Variants in SHTN1 observed in about 807,000 individuals in gnomAD.
SHTN1 encodes shootin 1.
A neutral mutation model predicts 83.1 loss-of-function variants in SHTN1; 42 were observed. That is an observed-to-expected ratio of 0.51 (90% CI 0.39 to 0.65). The LOEUF (loss-of-function observed/expected upper bound fraction) is 0.65. Ranked by LOEUF, SHTN1 falls within the 30% of genes least tolerant of loss-of-function variation. SHTN1 has a pLI of 0.00. For missense variants in SHTN1, 622 were observed against 737.8 expected (o/e 0.84, Z 1.82); for synonymous variants, 224 against 247.7 (o/e 0.90, Z 0.90).
chr10:117,077,430 G>C (rs1314849517), intron 1 of SHTN1, among the ~76,000 whole-genome samples: 1 of 152,134 alleles, frequency 6.6e-6, no homozygotes, highest in Non-Finnish European at 1.5e-5. Context: ...CTATCACATA[G>C]ATATTGGGAG....
At position 116,927,834 on chromosome 10, in the gene SHTN1, G is replaced by A. The variant is rs1848802870; in HGVS notation, c.1070C>T (p.Pro357Leu). 6.2e-7 allele frequency: 1 copy of A among 1,608,396 alleles called. No homozygotes were observed. The highest frequency in any genetic ancestry group is 8.5e-7 in the Non-Finnish European group (1 of 1,177,602). The change falls in exon 11 of 17, where the codon CCT becomes CTT. Residue 357 changes from proline (P) to leucine (L), a missense_variant. This residue lies in a region of SHTN1 where 383 missense variants were observed against 455.8 expected (regional missense o/e 0.84). Coordinates refer to ENST00000355371, the MANE Select transcript of SHTN1 (RefSeq NM_001127211.3). Reference sequence around the variant, plus strand: ...TGGAGGGGGAAGTGGTGGTGGAGGAGGAGGTGGTGGAGGTACTGAATTCTC... The same window carrying A: ...TGGAGGGGGAAGTGGTGGTGGAGGAAGAGGTGGTGGAGGTACTGAATTCTC... The part of the protein sequence containing the change: ...QSENSVPPPP[P>L]PPPPLPPPPP...
chr10:117,038,448 T>A (rs1204587160), intron 2 of SHTN1, among the ~76,000 whole-genome samples: 1 of 151,982 alleles, frequency 6.6e-6, no homozygotes, highest in East Asian at 1.9e-4. Context: ...CCGCAATGAC[T>A]TTTTAGATAC....
chr10:117,063,599 A>C (rs1373510431), intron 1 of SHTN1, among the ~76,000 whole-genome samples: 2 of 152,162 alleles, frequency 1.3e-5, no homozygotes, highest in African/African-American at 4.8e-5. Flanking sequence ...TAATTGATAT[A>C]GCTTCCTATT....
intron 1 of SHTN1, among the ~76,000 whole-genome samples, chr10:117,088,983 A>G (rs567386766): frequency 3.3e-5 from 5 of 152,272 alleles, no homozygotes; most frequent in South Asian, 2.1e-4. Flanking sequence ...AACCTGGCAC[A>G]TTATTATTGA....
At chr10:117,084,571 C>T (rs1172955826) in intron 1 of SHTN1, among the ~76,000 whole-genome samples, 1 of 152,184 alleles carries the variant, frequency 6.6e-6, no homozygotes, top group African/African-American at 2.4e-5. Flanking sequence ...CCACCCAGTT[C>T]GAGCTTCCCG....
intron 2 of SHTN1, chr10:116,973,821 C>G (rs1264958939): frequency 8.3e-7 from 1 of 1,200,132 alleles, no homozygotes; most frequent in Non-Finnish European, 1.1e-6. Flanking sequence ...TTAAACATGC[C>G]CAGCATCAGA....
rs1456385979 is a variant in SHTN1, at chr10:116,953,630, T to TTG, written c.436+411_436+412insCA. 1.0e-4 allele frequency among the ~76,000 whole-genome samples: 14 copies of TTG among 138,236 alleles called. No individual in the cohort carries two copies. In the East Asian group the frequency reaches 2.5e-3, roughly 25 times the overall value. 90.7% of individuals were successfully genotyped at this position (138,236 alleles called of 152,430 possible). A position where few individuals can be genotyped will look rare whatever the true frequency, so the allele number is the denominator to read the frequency against. On this transcript the variant is annotated intron_variant, in intron 5 of 16. Transcript: ENST00000355371. ...GCATCAGTTTTGTGTTTTGTTTTTT[T>TTG]TTTTTTTTTTTTTTTGAGACAGAGT... is the stretch of plus-strand genomic sequence containing the variant.
intron 1 of SHTN1, among the ~76,000 whole-genome samples, chr10:117,107,145 G>T (rs1853680885): frequency 6.6e-6 from 1 of 152,108 alleles, no homozygotes; most frequent in Non-Finnish European, 1.5e-5. Context: ...TATATGCCTG[G>T]TAGAGTGCCA....
chr10:117,018,507 TAAAAA>T lies in SHTN1; in HGVS notation c.-123+29933_-123+29937del, dbSNP rs749150327. ...ATAAAGGGTGTATGTGTATTTTTTT[TAAAAA>T]AAAAAAAAAAAGGAAAATATTTTTC... is the stretch of plus-strand genomic sequence containing the variant. On this transcript the variant is annotated intron_variant, in intron 2 of 17. Transcript: ENST00000392901. Among the ~76,000 whole-genome samples, 90 of 129,488 alleles carry T rather than the reference TAAAAA, an allele frequency of 7.0e-4. 1 individual carries two copies. The highest frequency in any genetic ancestry group is 3.9e-3 in the Middle Eastern group (1 of 256). The allele number at this position is 129,488 out of a possible 152,430, so 84.9% of individuals were successfully genotyped here.
rs71013635 is a variant in SHTN1, at chr10:117,051,999, CATAT to C, written c.-188-3493_-188-3490del. On this transcript the variant is annotated intron_variant, in intron 1 of 17. Coordinates refer to the SHTN1 transcript ENST00000392901. ...TACCTTTATTTTCAAATGACATAATCATATATATATATATATATATATAGAAAAG... is the reference window on the plus strand; with the variant it reads ...TACCTTTATTTTCAAATGACATAATCATATATATATATATATATAGAAAAG... Among the ~76,000 whole-genome samples, 54 of 34,124 alleles carry C rather than the reference CATAT, an allele frequency of 1.6e-3. 2 individuals are homozygous for C. The highest frequency in any genetic ancestry group is 8.9e-3 in the South Asian group (15 of 1,680). The allele number at this position is 34,124 out of a possible 152,430, so 22.4% of individuals were successfully genotyped here. A position where few individuals can be genotyped will look rare whatever the true frequency, so the allele number is the denominator to read the frequency against.
chr10:117,069,473 T>C (rs976363789), intron 1 of SHTN1, among the ~76,000 whole-genome samples: 4 of 152,124 alleles, frequency 2.6e-5, no homozygotes, highest in Admixed American at 2.6e-4. Flanking sequence ...GATGGAAAAA[T>C]ACTTGAGCCT....
intron 1 of SHTN1, 106 bp downstream of exon 1, chr10:117,004,916 C>T: frequency 2.0e-6 from 2 of 986,154 alleles, no homozygotes; most frequent in Non-Finnish European, 2.9e-6. Flanking sequence ...CCACGGCGGC[C>T]GCCACGTCTC....
chr10:117,042,686 G>T (rs530999408), intron 2 of SHTN1, among the ~76,000 whole-genome samples: 1 of 151,962 alleles, frequency 6.6e-6, no homozygotes, highest in Admixed American at 6.6e-5. Flanking sequence ...TGCAATCTTG[G>T]CTCACTGCAA....
intron 1 of SHTN1, among the ~76,000 whole-genome samples, chr10:117,084,539 C>T (rs1406279521): frequency 1.3e-5 from 2 of 152,228 alleles, no homozygotes; most frequent in Non-Finnish European, 1.5e-5. Flanking sequence ...GGCAGGCAGG[C>T]CTCCTTGAGC....
intron 2 of SHTN1, among the ~76,000 whole-genome samples, chr10:117,043,219 C>T (rs1053974380): frequency 7.9e-5 from 12 of 151,894 alleles, no homozygotes; most frequent in South Asian, 2.1e-4. Context: ...CTTCAACCTC[C>T]GCCTCCCAGG....
chr10:116,968,749 T>C (rs1850490520), intron 2 of SHTN1, 37 bp from the exon 3 acceptor site: 3 of 1,540,506 alleles, frequency 1.9e-6, no homozygotes, highest in Non-Finnish European at 2.7e-6. Flanking sequence ...TAAACTTCAA[T>C]CATAAATTTT....
At chr10:117,005,696 A>T (rs1851994101), upstream of SHTN1, 1 of 492,872 alleles carries the variant, frequency 2.0e-6, no homozygotes, top group South Asian at 8.6e-5. Flanking sequence ...CACCTTGAAG[A>T]GGAGACAAGG....
At chr10:117,107,874 G>A (rs2133635959) in intron 1 of SHTN1, among the ~76,000 whole-genome samples, 1 of 152,260 alleles carries the variant, frequency 6.6e-6, no homozygotes, top group East Asian at 1.9e-4. Flanking sequence ...CACCCAGGCT[G>A]GAGTGCAGTG....
upstream of SHTN1, among the ~76,000 whole-genome samples, chr10:117,007,893 A>G (rs1852046519): frequency 6.6e-6 from 1 of 151,946 alleles, no homozygotes; most frequent in South Asian, 2.1e-4. Flanking sequence ...CTGTAGTCCC[A>G]GCTACTCGGG....
Sources: allele counts gnomAD v4.1 joint callset (sites outside exome capture counted in the v4.1 genomes callset), GRCh38; gene constraint gnomAD v4.1.1; regional missense constraint gnomAD v4.1.1; transcripts MANE v1.5; gene names NCBI Gene and HGNC (gene_info 2026-07-23, HGNC 2026-07-21).